The following ASAP1 variants were observed in gnomAD, a reference collection of about 807,000 sequenced individuals.
The protein encoded by ASAP1 is arf-GAP with SH3 domain, ANK repeat and PH domain-containing protein 1.
In ASAP1, 43 loss-of-function variants were observed where a neutral mutation model predicts 145.2. The ratio of observed to expected loss-of-function variants is 0.30; its 90% CI spans 0.23 to 0.38. The LOEUF is 0.38. ASAP1 is among the 10% of genes least tolerant of loss of function. The probability of loss-of-function intolerance (pLI) is 1.00; values close to 1 mark genes in which losing one functional copy is unlikely to be tolerated. For synonymous variants in ASAP1, 546 were observed against 515.5 expected (o/e 1.06, Z -0.80); for missense variants, 1,018 against 1,355.3 (o/e 0.75, Z 3.91).
intron 3 of ASAP1, among the ~76,000 whole-genome samples, chr8:130,279,979 G>GTCTC (rs1486921778): frequency 2.6e-5 from 4 of 152,208 alleles, no homozygotes; most frequent in Non-Finnish European, 4.4e-5. Context: ...CTGAGTCTGT[G>GTCTC]TCTCATTCAG....
intron 4 of ASAP1, among the ~76,000 whole-genome samples, chr8:130,225,248 C>T (rs117661117): frequency 0.012 from 1,883 of 152,158 alleles, 12 homozygotes; most frequent in Non-Finnish European, 0.019. Context: ...GTGTCCTTTG[C>T]CATGGAGAAA....
chr8:130,154,535 C>G (rs922717467), intron 12 of ASAP1, among the ~76,000 whole-genome samples: 1 of 152,178 alleles, frequency 6.6e-6, no homozygotes, highest in Non-Finnish European at 1.5e-5. Context: ...TTTTGAAGGC[C>G]TTCTGTTGCT....
At chr8:130,331,224 G>A (rs1404684188) in intron 3 of ASAP1, among the ~76,000 whole-genome samples, 1 of 152,182 alleles carries the variant, frequency 6.6e-6, no homozygotes, top group African/African-American at 2.4e-5. Flanking sequence ...AGCGAGTAGG[G>A]CCCTATTACC....
At chr8:130,415,669 T>C (rs1193712678) in intron 1 of ASAP1, among the ~76,000 whole-genome samples, 1 of 150,794 alleles carries the variant, frequency 6.6e-6, no homozygotes, top group Non-Finnish European at 1.5e-5. Context: ...GTGCCTGTAA[T>C]CCCACCTACT....
At chr8:130,230,574 C>T (rs767918739) in intron 4 of ASAP1, among the ~76,000 whole-genome samples, 4 of 152,024 alleles carry the variant, frequency 2.6e-5, no homozygotes, top group Non-Finnish European at 5.9e-5. Context: ...AATTTGTTTT[C>T]ACCTCCCAAG....
chr8:130,133,677 A>T (rs2097587147), intron 15 of ASAP1, among the ~76,000 whole-genome samples: 1 of 147,546 alleles, frequency 6.8e-6, no homozygotes, highest in Non-Finnish European at 1.5e-5. Context: ...ACAAACAAAC[A>T]AACAAACAAA....
At chr8:130,094,286 C>G (rs1428337889) in intron 24 of ASAP1, among the ~76,000 whole-genome samples, 1 of 152,164 alleles carries the variant, frequency 6.6e-6, no homozygotes, top group Non-Finnish European at 1.5e-5. Context: ...TCACAGCTCA[C>G]TGCAGCCCTG....
chr8:130,406,683 A>G (rs570776709), intron 1 of ASAP1, among the ~76,000 whole-genome samples: 35 of 152,106 alleles, frequency 2.3e-4, no homozygotes, highest in Non-Finnish European at 4.9e-4. Context: ...GGGTTTCATC[A>G]TGTTGACCAG....
chr8:130,378,232 A>T (rs1304854712), intron 2 of ASAP1, among the ~76,000 whole-genome samples: 2 of 152,240 alleles, frequency 1.3e-5, no homozygotes, highest in African/African-American at 4.8e-5. Context: ...AATGCTGACA[A>T]ATATTAGCAG....
intron 27 of ASAP1, among the ~76,000 whole-genome samples, chr8:130,068,917 T>C (rs1265126892): frequency 1.3e-5 from 2 of 152,196 alleles, no homozygotes; most frequent in Admixed American, 6.5e-5. Context: ...ATATTACTCC[T>C]ACAGAAATGA....
intron 25 of ASAP1, among the ~76,000 whole-genome samples, chr8:130,082,214 C>T (rs2097482108): frequency 6.6e-6 from 1 of 152,126 alleles, no homozygotes; most frequent in South Asian, 2.1e-4. Flanking sequence ...GAACCAAAGG[C>T]TTTCAAATTT....
At chr8:130,069,227 C>T (rs1356658823) in intron 27 of ASAP1, among the ~76,000 whole-genome samples, 7 of 152,140 alleles carry the variant, frequency 4.6e-5, no homozygotes, top group Non-Finnish European at 2.9e-5. Flanking sequence ...GAAATTGATA[C>T]AGTTAAAACA....
intron 16 of ASAP1, among the ~76,000 whole-genome samples, chr8:130,127,685 T>C (rs1434060485): frequency 6.6e-6 from 1 of 152,028 alleles, no homozygotes; most frequent in African/African-American, 2.4e-5. Flanking sequence ...ACCTGGACCT[T>C]ATAGGAAAGG....
At chr8:130,271,689 A>T (rs1179324172) in intron 3 of ASAP1, among the ~76,000 whole-genome samples, 1 of 152,210 alleles carries the variant, frequency 6.6e-6, no homozygotes, top group East Asian at 1.9e-4. Flanking sequence ...CGATGGGCTG[A>T]TCACCCACTG....
rs559753029 is a variant in ASAP1, at chr8:130,421,784, G to A, written c.-27-19814C>T. Among the ~76,000 whole-genome samples the A allele has an allele frequency of 3.3e-5, 5 of 152,282 alleles. No homozygotes were observed. In the South Asian group the frequency reaches 8.3e-4, roughly 25 times the overall value. ...AACATCGTGGGGACTATTTGTTATTGCAGCTATTATCACTATATTACTAAC... is the reference window on the plus strand; with the variant it reads ...AACATCGTGGGGACTATTTGTTATTACAGCTATTATCACTATATTACTAAC... On this transcript the variant is annotated intron_variant, in intron 1 of 29. Coordinates refer to ENST00000518721, the MANE Select transcript of ASAP1 (RefSeq NM_018482.4).
At chr8:130,226,043 CTTT>C (rs200033813) in intron 4 of ASAP1, among the ~76,000 whole-genome samples, 13 of 140,006 alleles carry the variant, frequency 9.3e-5, no homozygotes, top group East Asian at 2.1e-4. Flanking sequence ...CCATGCTTGG[CTTT>C]TTTTTTTTTT....
intron 5 of ASAP1, among the ~76,000 whole-genome samples, chr8:130,189,969 T>C (rs2136236462): frequency 6.6e-6 from 1 of 152,316 alleles, no homozygotes; most frequent in South Asian, 2.1e-4. Context: ...AAATATATAT[T>C]CAGATCTTTT....
intron 3 of ASAP1, among the ~76,000 whole-genome samples, chr8:130,251,753 A>G (rs1352425046): frequency 6.6e-6 from 1 of 152,180 alleles, no homozygotes. Context: ...TAACACAAGA[A>G]ACCGAAAATA....
chr8:130,180,715 T>C (rs775814870), intron 8 of ASAP1, 36 bp downstream of exon 8: 133 of 1,593,610 alleles, frequency 8.3e-5, no homozygotes, highest in Middle Eastern at 1.7e-4. Flanking sequence ...ACAGTTGTTA[T>C]AATTCTAGGC....
Sources: gnomAD v4.1 joint callset for allele counts (sites outside exome capture counted in the v4.1 genomes callset) on GRCh38, gnomAD v4.1.1 for gene constraint, MANE v1.5 for transcripts, NCBI Gene and HGNC (gene_info 2026-07-23, HGNC 2026-07-21) for gene names.